PSMA1: variants seen among roughly 807,000 people sequenced by gnomAD.
PSMA1 encodes the protein proteasome subunit alpha type-1.
A neutral mutation model predicts 38.4 loss-of-function variants in PSMA1; 3 were observed. The ratio of observed to expected loss-of-function variants is 0.08; its 90% CI spans 0.04 to 0.20. The LOEUF (loss-of-function observed/expected upper bound fraction) is 0.20. PSMA1 is among the 10% of genes least tolerant of loss of function. The pLI, the probability that PSMA1 is intolerant of heterozygous loss-of-function variation, is 1.00. For missense variants in PSMA1, 227 were observed against 325.3 expected (o/e 0.70, Z 2.32); for synonymous variants, 101 against 107.1 (o/e 0.94, Z 0.35).
intron 7 of PSMA1, 133 bp downstream of exon 7, chr11:14,513,437 T>C (rs1026212946): frequency 3.0e-6 from 3 of 1,012,078 alleles, no homozygotes; most frequent in Non-Finnish European, 3.9e-6. Flanking sequence ...AAACTCTTCA[T>C]GGGCATAATT....
At chr11:14,627,969 T>C (rs1458364781) in intron 1 of PSMA1, among the ~76,000 whole-genome samples, 1 of 152,138 alleles carries the variant, frequency 6.6e-6, no homozygotes, top group Non-Finnish European at 1.5e-5. Flanking sequence ...TACTGGTCCA[T>C]GGCCTGTTAG....
chr11:14,628,277 A>G (rs996720871), intron 1 of PSMA1, among the ~76,000 whole-genome samples: 1 of 131,236 alleles, frequency 7.6e-6, no homozygotes, highest in African/African-American at 3.0e-5. Flanking sequence ...CTAACTTGTC[A>G]TCTAGCATTA....
chr11:14,633,672 C>G (rs529749218), intron 1 of PSMA1, among the ~76,000 whole-genome samples: 2 of 152,208 alleles, frequency 1.3e-5, no homozygotes, highest in East Asian at 1.9e-4. Flanking sequence ...CCACCCAGTT[C>G]GAGCTTCCTG....
At chr11:14,548,323 G>C (rs1851849345) in intron 2 of PSMA1, among the ~76,000 whole-genome samples, 1 of 152,156 alleles carries the variant, frequency 6.6e-6, no homozygotes. Flanking sequence ...AGGTGGTAGA[G>C]GTGGATTTCA....
chr11:14,567,481 A>T (rs1054967015), intron 2 of PSMA1, among the ~76,000 whole-genome samples: 1 of 152,112 alleles, frequency 6.6e-6, no homozygotes, highest in African/African-American at 2.4e-5. Context: ...TCTTTCATTT[A>T]CTCTGTAGTG....
At chr11:14,584,007 C>G (rs1159920314) in intron 2 of PSMA1, among the ~76,000 whole-genome samples, 1 of 152,236 alleles carries the variant, frequency 6.6e-6, no homozygotes, top group Non-Finnish European at 1.5e-5. Flanking sequence ...TACAGTGTCA[C>G]AGCCCCCTGG....
At chr11:14,531,130 C>T (rs868187631) in intron 2 of PSMA1, among the ~76,000 whole-genome samples, 2 of 151,690 alleles carry the variant, frequency 1.3e-5, no homozygotes, top group African/African-American at 2.4e-5. Flanking sequence ...ATACTTCACC[C>T]TTTTTTTTCC....
At position 14,535,976 on chromosome 11, in the gene PSMA1, A is replaced by G. The variant is rs963688152; in HGVS notation, c.22-16935T>C. ...AGGAGTTGAAAGCCATTAAAACCCCAAGAAACCAAATATCTCTTTTGTTGG... is the reference window on the plus strand; with the variant it reads ...AGGAGTTGAAAGCCATTAAAACCCCGAGAAACCAAATATCTCTTTTGTTGG... On this transcript the variant is annotated intron_variant, in intron 2 of 10. Transcript: ENST00000418988. Among the ~76,000 whole-genome samples, 47 of 152,080 alleles carry G rather than the reference A, an allele frequency of 3.1e-4. 1 individual carries two copies. Among genetic ancestry groups the G allele is most frequent in the Non-Finnish European group, 1.6e-4 (11 of 68,012 alleles).
chr11:14,527,150 T>G (rs1270791638), intron 2 of PSMA1, among the ~76,000 whole-genome samples: 2 of 152,168 alleles, frequency 1.3e-5, no homozygotes, highest in African/African-American at 4.8e-5. Context: ...GCTGGAGTCA[T>G]ACACTGCAAG....
chr11:14,564,174 T>C (rs993636504), intron 2 of PSMA1, among the ~76,000 whole-genome samples: 1 of 152,190 alleles, frequency 6.6e-6, no homozygotes, highest in African/African-American at 2.4e-5. Flanking sequence ...GCTGCCCTTT[T>C]ATAATCATAC....
intron 2 of PSMA1, among the ~76,000 whole-genome samples, chr11:14,576,031 T>A (rs1386108899): frequency 3.3e-5 from 5 of 152,378 alleles, no homozygotes; most frequent in Non-Finnish European, 5.9e-5. Context: ...CATTTTTTCA[T>A]GTGTCTGTTG....
chr11:14,613,867 C>T (rs1266351502), intron 1 of PSMA1, among the ~76,000 whole-genome samples: 1 of 152,178 alleles, frequency 6.6e-6, no homozygotes, highest in Non-Finnish European at 1.5e-5. Context: ...CTCTTGATTA[C>T]AGTTTTTCAT....
At chr11:14,507,468 C>T (rs1167104230) in intron 9 of PSMA1, 188 bp downstream of exon 9, 10 of 524,810 alleles carry the variant, frequency 1.9e-5, no homozygotes, top group African/African-American at 8.0e-5. Context: ...ACCCGGCCCC[C>T]TTTTTGTGTT....
intron 2 of PSMA1, among the ~76,000 whole-genome samples, chr11:14,590,625 C>G (rs1163071924): frequency 6.6e-6 from 1 of 152,164 alleles, no homozygotes; most frequent in Non-Finnish European, 1.5e-5. Flanking sequence ...GGGTAACACT[C>G]TCTTCTTCCT....
chr11:14,547,951 G>C (rs1047764842), intron 2 of PSMA1, among the ~76,000 whole-genome samples: 4 of 151,540 alleles, frequency 2.6e-5, no homozygotes, highest in African/African-American at 4.8e-5. Flanking sequence ...TCCCAGAGTA[G>C]AGGAGGAGAT....
chr11:14,544,016 A>G (rs939274694), intron 2 of PSMA1, among the ~76,000 whole-genome samples: 4 of 152,196 alleles, frequency 2.6e-5, no homozygotes, highest in African/African-American at 9.7e-5. Flanking sequence ...AAAAGAAAAT[A>G]TAATAACTTG....
intron 2 of PSMA1, among the ~76,000 whole-genome samples, chr11:14,587,229 A>G (rs1852358169): frequency 6.6e-6 from 1 of 152,132 alleles, no homozygotes; most frequent in African/African-American, 2.4e-5. Context: ...TAAAGCAATG[A>G]GAGGCACCAC....
At chr11:14,592,869 A>G (rs7931378) in intron 2 of PSMA1, among the ~76,000 whole-genome samples, 88,840 of 152,052 alleles carry the variant, frequency 0.58, 26,205 homozygotes, top group Middle Eastern at 0.67. Context: ...TGCCTTTCCT[A>G]ATCCTCCTAT....
chr11:14,555,064 T>C (rs1020606231), intron 2 of PSMA1, among the ~76,000 whole-genome samples: 1 of 152,228 alleles, frequency 6.6e-6, no homozygotes, highest in Non-Finnish European at 1.5e-5. Context: ...AACTTATTGT[T>C]GCATTTACTG....
Sources: allele counts gnomAD v4.1 joint callset (sites outside exome capture counted in the v4.1 genomes callset), GRCh38; gene constraint gnomAD v4.1.1; transcripts MANE v1.5; gene names NCBI Gene and HGNC (gene_info 2026-07-23, HGNC 2026-07-21).